The following PCDH7 variants were observed in gnomAD, a reference collection of about 807,000 sequenced individuals.
The protein encoded by PCDH7 is protocadherin 7, also known as protocadherin-7.
In PCDH7, 17 loss-of-function variants were observed where a neutral mutation model predicts 58.9. The ratio of observed to expected loss-of-function variants is 0.29; its 90% CI spans 0.20 to 0.43. The LOEUF (loss-of-function observed/expected upper bound fraction) is 0.43, where lower values mean the gene tolerates loss of function less well. Ranked by LOEUF, PCDH7 falls within the 20% of genes least tolerant of loss-of-function variation. The probability of loss-of-function intolerance (pLI) is 1.00; values close to 1 mark genes in which losing one functional copy is unlikely to be tolerated. For synonymous variants in PCDH7, 664 were observed against 616.4 expected (o/e 1.08, Z -1.14); for missense variants, 1,274 against 1,441.0 (o/e 0.88, Z 1.88).
intron 3 of PCDH7, among the ~76,000 whole-genome samples, chr4:31,026,513 C>T (rs981354004): frequency 6.6e-6 from 1 of 152,152 alleles, no homozygotes; most frequent in African/African-American, 2.4e-5. Context: ...AATTTGTATG[C>T]AGATATTGTC....
intron 1 of PCDH7, among the ~76,000 whole-genome samples, chr4:30,818,891 T>G (rs1470129896): frequency 6.6e-6 from 1 of 151,844 alleles, no homozygotes; most frequent in Non-Finnish European, 1.5e-5. Context: ...GTTTTCAATC[T>G]CTTTTATTTT....
At chr4:30,930,631 T>C (rs1364191676) in intron 2 of PCDH7, among the ~76,000 whole-genome samples, 1 of 152,080 alleles carries the variant, frequency 6.6e-6, no homozygotes, top group African/African-American at 2.4e-5. Context: ...GACTGTGAAA[T>C]ATATTAAAAA....
rs542861279 is a variant in PCDH7, at chr4:31,116,281, T to C, written c.*8-26192T>C. Among the ~76,000 whole-genome samples, 8 of 152,330 alleles carry C rather than the reference T, an allele frequency of 5.3e-5. No homozygotes were observed. The South Asian group carries it at 1.7e-3, about 32-fold the overall frequency. ...TGGAAAAGCATGAGGCATCTTTAGT[T>C]TACCAAAAGTGGATTTGGTTATAAA... On this transcript the variant is annotated intron_variant, in intron 3 of 3. Coordinates refer to the PCDH7 transcript ENST00000509759.
At chr4:30,956,614 A>G (rs1747888298) in intron 3 of PCDH7, among the ~76,000 whole-genome samples, 1 of 152,270 alleles carries the variant, frequency 6.6e-6, no homozygotes, top group African/African-American at 2.4e-5. Flanking sequence ...TTTCAACTTA[A>G]TAAGATATAG....
chr4:30,956,283 T>C (rs572016053), intron 3 of PCDH7, among the ~76,000 whole-genome samples: 50 of 152,160 alleles, frequency 3.3e-4, no homozygotes, highest in Admixed American at 1.7e-3. Flanking sequence ...ATAATAACTA[T>C]CAGACATAAT....
intron 3 of PCDH7, among the ~76,000 whole-genome samples, chr4:31,087,762 A>T (rs1311472992): frequency 1.3e-5 from 2 of 152,130 alleles, no homozygotes; most frequent in African/African-American, 2.4e-5. Flanking sequence ...CATTCAGACG[A>T]ATTACATTAA....
intron 1 of PCDH7, among the ~76,000 whole-genome samples, chr4:30,767,641 T>C (rs781128073): frequency 4.6e-5 from 7 of 152,202 alleles, no homozygotes; most frequent in Non-Finnish European, 8.8e-5. Flanking sequence ...TAGGAATCTT[T>C]AGTAGCTCTG....
chr4:30,951,474 G>A (rs1442510089), intron 3 of PCDH7, among the ~76,000 whole-genome samples: 2 of 151,952 alleles, frequency 1.3e-5, no homozygotes, highest in Non-Finnish European at 2.9e-5. Context: ...TTTTAACCTT[G>A]AGCACACACT....
chr4:31,121,650 C>T (rs1460283426), intron 3 of PCDH7, among the ~76,000 whole-genome samples: 2 of 152,100 alleles, frequency 1.3e-5, no homozygotes, highest in Admixed American at 6.6e-5. Flanking sequence ...TAGATAAGCA[C>T]TCCCAATGTC....
chr4:30,775,989 A>T lies in PCDH7; in HGVS notation c.70+51393A>T, dbSNP rs77513983. The stretch of plus-strand genomic sequence containing the variant: ...TGGCGATTTTTCATTTCCCTCTAAG[A>T]CATAGAATGTTGGCAAGTACATTAT... On this transcript the variant is annotated intron_variant, in intron 1 of 3. Transcript: ENST00000509759. Among the ~76,000 whole-genome samples the T allele has an allele frequency of 4.6e-3, 700 of 152,308 alleles. 5 individuals are homozygous for T. The highest frequency in any genetic ancestry group is 0.016 in the African/African-American group (662 of 41,570).
At chr4:30,899,034 G>A (rs961435172) in intron 1 of PCDH7, among the ~76,000 whole-genome samples, 2 of 151,906 alleles carry the variant, frequency 1.3e-5, no homozygotes, top group African/African-American at 4.8e-5. Flanking sequence ...GAAAAAAAAA[G>A]TAACTGAACT....
chr4:30,817,094 T>G (rs777742710), intron 1 of PCDH7, among the ~76,000 whole-genome samples: 1 of 152,148 alleles, frequency 6.6e-6, no homozygotes, highest in East Asian at 1.9e-4. Context: ...GGAATTTAAA[T>G]AAAGAAATTC....
At chr4:31,013,685 G>T (rs1312966457) in intron 3 of PCDH7, among the ~76,000 whole-genome samples, 1 of 151,510 alleles carries the variant, frequency 6.6e-6, no homozygotes. Flanking sequence ...GAGCTATTTT[G>T]ACTTATTTTT....
At chr4:31,090,152 A>G (rs1359061978) in intron 3 of PCDH7, among the ~76,000 whole-genome samples, 2 of 152,062 alleles carry the variant, frequency 1.3e-5, no homozygotes, top group Non-Finnish European at 2.9e-5. Context: ...TATTCAGGTC[A>G]TTGTACCTAT....
chr4:30,967,894 A>G (rs1293614979), intron 3 of PCDH7, among the ~76,000 whole-genome samples: 3 of 152,080 alleles, frequency 2.0e-5, no homozygotes, highest in Non-Finnish European at 4.4e-5. Flanking sequence ...TATTTCATGC[A>G]TACTTCTAGC....
Position 30,721,950 on chromosome 4 carries a change from C to T in PCDH7, c.528C>T (p.Gly176=). ...CCGACCGCGACTTCGGCCGCAACGG[C>T]ATCGAGCGCTACGAGCTGCTCCAGG... Residue 176 remains glycine (G), a synonymous_variant, in exon 1 of 2, where the codon GGC becomes GGT. Coordinates refer to ENST00000361762, the Ensembl canonical transcript of PCDH7. This position sits in a 1 kb window ranked among gnomAD's most constrained non-coding sequence, Gnocchi z 6.7. 1.9e-6 allele frequency: 3 copies of T among 1,551,098 alleles called. No individual in the cohort carries two copies. Among genetic ancestry groups the T allele is most frequent in the Non-Finnish European group, 2.6e-6 (3 of 1,154,910 alleles).
intron 1 of PCDH7, among the ~76,000 whole-genome samples, chr4:30,838,361 A>G (rs958274): frequency 0.27 from 41,071 of 151,900 alleles, 6,425 homozygotes; most frequent in African/African-American, 0.43. Flanking sequence ...CTTTTCTGGA[A>G]TGAACTCTTG....
chr4:30,807,374 C>G (rs887646727), intron 1 of PCDH7, among the ~76,000 whole-genome samples: 6 of 152,118 alleles, frequency 3.9e-5, no homozygotes, highest in African/African-American at 1.2e-4. Context: ...AAACATATTT[C>G]TCATTATTTT....
chr4:30,827,803 C>A lies in PCDH7; in HGVS notation c.71-92350C>A, dbSNP rs570160583. 3.3e-5 allele frequency among the ~76,000 whole-genome samples: 5 copies of A among 152,054 alleles called. No individual in the cohort carries two copies. In the East Asian group the frequency reaches 9.7e-4, roughly 29 times the overall value. On this transcript the variant is annotated intron_variant, in intron 1 of 3. Transcript: ENST00000509759. ...TACAATCTAGTATGTGCATAGATGT[C>A]AATTCTGGAAAACTTATTGGAAGAC...
Sources: allele counts gnomAD v4.1 joint callset (sites outside exome capture counted in the v4.1 genomes callset), GRCh38; gene constraint gnomAD v4.1.1; non-coding constraint Gnocchi (gnomAD v3.1); transcripts MANE v1.5; gene names NCBI Gene and HGNC (gene_info 2026-07-23, HGNC 2026-07-21).